The following FMO2 variants were observed in gnomAD, a reference collection of about 807,000 sequenced individuals.
The protein encoded by FMO2 is flavin containing dimethylaniline monoxygenase 2.
A neutral mutation model predicts 41.6 loss-of-function variants in FMO2; 33 were observed. That is an observed-to-expected ratio of 0.79 (90% confidence interval 0.60 to 1.06). FMO2 has a LOEUF of 1.06. Ranked by LOEUF, FMO2 falls within the 50% of genes least tolerant of loss-of-function variation. The pLI, the probability that FMO2 is intolerant of heterozygous loss-of-function variation, is 0.00. For missense variants in FMO2, 619 were observed against 632.9 expected, an observed-to-expected ratio of 0.98 and a Z score of 0.23; for synonymous variants, 214 against 219.6, an observed-to-expected ratio of 0.97 and a Z score of 0.23.
chr1:171,206,178 G>A (rs917537753), intron 7 of FMO2, among the ~76,000 whole-genome samples: 13 of 152,166 alleles, frequency 8.5e-5, no homozygotes, highest in Non-Finnish European at 1.5e-4. Flanking sequence ...ACCTTGCCCT[G>A]TGCTGGGAAC....
At chr1:171,192,595 T>TA (rs28369842) in intron 2 of FMO2, among the ~76,000 whole-genome samples, 2,452 of 151,572 alleles carry the variant, frequency 0.016, 36 homozygotes, top group Middle Eastern at 0.045. Context: ...CCATCTCTAC[T>TA]AAAAAATACA....
Position 171,212,320 on chromosome 1 carries a change from C to A in FMO2, c.*3175C>A, listed in dbSNP as rs959342735. 9.9e-5 allele frequency among the ~76,000 whole-genome samples: 15 copies of A among 152,142 alleles called. No individual in the cohort carries two copies. The highest frequency in any genetic ancestry group is 3.6e-4 in the African/African-American group (15 of 41,428). On this transcript the variant is annotated 3_prime_UTR_variant, in exon 9 of 9. Coordinates refer to ENST00000209929, the MANE Select transcript of FMO2 (RefSeq NM_001460.5). ...TCACCTTTGCCGTGGGTGGACACAG[C>A]AAGAAGGCCCTCATCAGATGCTGGC... is the stretch of plus-strand genomic sequence containing the variant.
chr1:171,186,008 C>A, intron 2 of FMO2, 163 bp downstream of exon 2: 1 of 752,694 alleles, frequency 1.3e-6, no homozygotes, highest in Non-Finnish European at 2.1e-6. Flanking sequence ...AGGCTGGCAT[C>A]TCTCCCCCAG....
rs755098617 is a variant in FMO2, at chr1:171,205,614, G to C, written c.1163G>C (p.Trp388Ser). ...IFPTAELQAR[W>S]VTRVFKGLCS... ...CCAACTGCTGAACTTCAAGCTCGTT[G>C]GGTGACAAGAGTTTTCAAAGGTAAG... The change falls in exon 7 of 9, where the codon TGG becomes TCG. Residue 388 changes from tryptophan to serine, a missense_variant. Coordinates refer to ENST00000209929, the MANE Select transcript of FMO2 (RefSeq NM_001460.5). 133 of 1,608,614 alleles carry C rather than the reference G, an allele frequency of 8.3e-5. No homozygotes were observed. The highest frequency in any genetic ancestry group is 1.1e-4 in the Non-Finnish European group (131 of 1,177,586).
intron 7 of FMO2, among the ~76,000 whole-genome samples, chr1:171,207,030 C>G (rs920054351): frequency 3.9e-5 from 6 of 152,034 alleles, no homozygotes; most frequent in African/African-American, 1.4e-4. Context: ...AGGGGGTGTG[C>G]AGAAAATGAT....
chr1:171,189,065 C>T (rs886596476), intron 2 of FMO2: 1 of 152,024 alleles, frequency 6.6e-6, no homozygotes, highest in Non-Finnish European at 1.5e-5. Flanking sequence ...AGAAAAAAAA[C>T]GAGGGTTTAC....
chr1:171,207,141 A>G (rs1571293914), intron 7 of FMO2, among the ~76,000 whole-genome samples: 2 of 152,262 alleles, frequency 1.3e-5, no homozygotes, highest in East Asian at 3.9e-4. Flanking sequence ...CCATATTTCA[A>G]CACATCCAAA....
At chr1:171,190,173 C>G (rs1658021128) in intron 2 of FMO2, among the ~76,000 whole-genome samples, 2 of 151,928 alleles carry the variant, frequency 1.3e-5, no homozygotes, top group Non-Finnish European at 1.5e-5. Flanking sequence ...TAAATATTAC[C>G]CTTATAATCT....
Position 171,211,948 on chromosome 1 carries a change from T to C in FMO2, c.*2803T>C, listed in dbSNP as rs1201541920. ...ATCTAGAAACCATTAGTTTGAGATC[T>C]CTCAAAAATAAAAATAAAAATTGCT... On this transcript the variant is annotated 3_prime_UTR_variant, in exon 9 of 9. Transcript: ENST00000209929. Among the ~76,000 whole-genome samples the C allele has an allele frequency of 6.6e-6, 1 of 152,182 alleles. No homozygotes were observed. Among genetic ancestry groups the C allele is most frequent in the East Asian group, 1.9e-4 (1 of 5,196 alleles).
In FMO2 at chr1:171,203,936, A is replaced by G; in HGVS notation, c.699A>G (p.Ser233=). 6.2e-7 allele frequency: 1 copy of G among 1,613,754 alleles called. No homozygotes were observed. Among genetic ancestry groups the G allele is most frequent in the East Asian group, 2.2e-5 (1 of 44,848 alleles). The change falls in exon 6 of 9, where the codon TCA becomes TCG. Residue 233 remains serine, a synonymous_variant. Transcript: ENST00000209929. ...RISEDGYPWD[S]VFHTRFRSML... ...CTGAAGATGGCTATCCTTGGGACTC[A>G]GTGTTCCACACCCGGTTTCGTTCTA... is the stretch of plus-strand genomic sequence containing the variant.
intron 5 of FMO2, among the ~76,000 whole-genome samples, chr1:171,202,505 G>C (rs1658576120): frequency 6.6e-6 from 1 of 152,122 alleles, no homozygotes; most frequent in South Asian, 2.1e-4. Flanking sequence ...CTCTCTTCCA[G>C]CCTAACTTTA....
chr1:171,191,792 G>A, intron 2 of FMO2, among the ~76,000 whole-genome samples: 1 of 150,724 alleles, frequency 6.6e-6, no homozygotes, highest in East Asian at 2.0e-4. Context: ...AGGGTGTTGA[G>A]GTGGGTGGAT....
At chr1:171,186,206 A>C (rs2101973561) in intron 2 of FMO2, 1 of 161,504 alleles carries the variant, frequency 6.2e-6, no homozygotes, top group African/African-American at 2.4e-5. Context: ...TATTAAACCA[A>C]ATGCTTCTTT....
At chr1:171,187,322 T>G (rs1657891836) in intron 2 of FMO2, among the ~76,000 whole-genome samples, 1 of 152,128 alleles carries the variant, frequency 6.6e-6, no homozygotes, top group Non-Finnish European at 1.5e-5. Context: ...AAAATCAAAC[T>G]CATATCAGCA....
Position 171,192,774 on chromosome 1 carries a change from A to G in FMO2, c.133-561A>G, listed in dbSNP as rs1233561672. Among the ~76,000 whole-genome samples, 7 of 118,560 alleles carry G rather than the reference A, an allele frequency of 5.9e-5. No homozygotes were observed. The East Asian group carries it at 1.5e-3, about 25-fold the overall frequency. 77.8% of individuals were successfully genotyped at this position (118,560 alleles called of 152,430 possible). ...GAGCGAGACTCTGTCTCAAAAAAAAAAAAAAAAAAAAAAGATTTGATTCTA... is the reference window on the plus strand; with the variant it reads ...GAGCGAGACTCTGTCTCAAAAAAAAGAAAAAAAAAAAAAGATTTGATTCTA... On this transcript the variant is annotated intron_variant, in intron 2 of 8. Transcript: ENST00000209929.
At chr1:171,194,483 T>C (rs1658221952) in intron 3 of FMO2, among the ~76,000 whole-genome samples, 1 of 152,214 alleles carries the variant, frequency 6.6e-6, no homozygotes, top group Non-Finnish European at 1.5e-5. Flanking sequence ...CTTGGCCAGG[T>C]ATGGTGATTC....
intron 6 of FMO2, 148 bp downstream of exon 6, chr1:171,204,212 CT>C (rs2102009569): frequency 1.6e-6 from 1 of 632,082 alleles, no homozygotes; most frequent in South Asian, 2.0e-5. Flanking sequence ...TGGAGTTTAG[CT>C]TCTAAATTTG....
chr1:171,207,835 A>G (rs1658828611), intron 8 of FMO2, 45 bp downstream of exon 8: 1 of 1,267,140 alleles, frequency 7.9e-7, no homozygotes, highest in Non-Finnish European at 1.2e-6. Flanking sequence ...TGTTTCTCAA[A>G]GTACAGTGAT....
In FMO2 at chr1:171,195,251, A is replaced by C. The variant is rs538632553; in HGVS notation, c.322-1398A>C. ...TCAACTCGAGAAGCAGGCAAACTGTAACAAGCCCTGTTGCTTATGATTGTC... is the reference window on the plus strand; with the variant it reads ...TCAACTCGAGAAGCAGGCAAACTGTCACAAGCCCTGTTGCTTATGATTGTC... On this transcript the variant is annotated intron_variant, in intron 3 of 8. Transcript: ENST00000209929. 5.3e-5 allele frequency among the ~76,000 whole-genome samples: 8 copies of C among 152,352 alleles called. 1 individual carries two copies. The highest frequency in any genetic ancestry group is 1.4e-4 in the African/African-American group (6 of 41,580).
Sources: allele counts gnomAD v4.1 joint callset (sites outside exome capture counted in the v4.1 genomes callset), GRCh38; gene constraint gnomAD v4.1.1; transcripts MANE v1.5; gene names NCBI Gene and HGNC (gene_info 2026-07-23, HGNC 2026-07-21).